Variants in TRPS1 observed in about 807,000 individuals in gnomAD.
TRPS1 encodes the protein transcriptional repressor GATA binding 1.
In TRPS1, 6 loss-of-function variants were observed where a neutral mutation model predicts 101.2. The ratio of observed to expected loss-of-function variants is 0.06; its 90% CI spans 0.03 to 0.12. The LOEUF is 0.12. TRPS1 is among the 10% of genes least tolerant of loss of function. The pLI is 1.00. For synonymous variants in TRPS1, 578 were observed against 589.8 expected, an observed-to-expected ratio of 0.98 and a Z score of 0.29; for missense variants, 1,363 against 1,567.0, an observed-to-expected ratio of 0.87 and a Z score of 2.20.
chr8:115,463,532 T>TGGGA (rs577570491), intron 5 of TRPS1, among the ~76,000 whole-genome samples: 181 of 152,178 alleles, frequency 1.2e-3, no homozygotes, highest in African/African-American at 4.1e-3. Flanking sequence ...GAGTGGTGCA[T>TGGGA]GGGAGTCTGC....
intron 5 of TRPS1, among the ~76,000 whole-genome samples, chr8:115,420,233 T>C (rs1247383561): frequency 6.6e-6 from 1 of 152,146 alleles, no homozygotes; most frequent in Non-Finnish European, 1.5e-5. Flanking sequence ...ATGTTGGGTG[T>C]CAGTCTGCAA....
chr8:115,636,445 ATT>A lies in TRPS1; in HGVS notation c.-121-12689_-121-12688del, dbSNP rs1818769380. On this transcript the variant is annotated intron_variant, in intron 1 of 6. Transcript: ENST00000395715. ...CAATTAATTTATTCATATATTATGTATTTATTGGGCATATATTTAAATTCGAA... is the reference window on the plus strand; with the variant it reads ...CAATTAATTTATTCATATATTATGTATATTGGGCATATATTTAAATTCGAA... Among the ~76,000 whole-genome samples, 3 of 152,310 alleles carry A rather than the reference ATT, an allele frequency of 2.0e-5. No homozygotes were observed. The East Asian group carries it at 5.8e-4, about 29-fold the overall frequency.
In TRPS1 at chr8:115,619,479, C is replaced by G. The variant is rs1818338787; in HGVS notation, c.619G>C (p.Gly207Arg). Residue 207 changes from glycine to arginine, a missense_variant, in exon 3 of 7, where the codon GGT becomes CGT. Transcript: ENST00000395715. ...GTTTTGGATTTATTCAGTCTTACACCCCCATCTGAAGGCACTTGTGGGTTT... is the reference window on the plus strand; with the variant it reads ...GTTTTGGATTTATTCAGTCTTACACGCCCATCTGAAGGCACTTGTGGGTTT... ...SKNPQVPSDG[G>R]VRLNKSKTDL... 6.2e-7 allele frequency: 1 copy of G among 1,614,038 alleles called. No homozygotes were observed. The highest frequency in any genetic ancestry group is 1.7e-5 in the Admixed American group (1 of 60,002).
chr8:115,607,867 G>A (rs893754292), intron 3 of TRPS1, among the ~76,000 whole-genome samples: 19 of 151,912 alleles, frequency 1.3e-4, no homozygotes, highest in Admixed American at 9.8e-4. Context: ...ACATTTAAAT[G>A]CCATTCTACA....
intron 5 of TRPS1, among the ~76,000 whole-genome samples, chr8:115,539,876 G>A (rs1480975854): frequency 3.3e-5 from 5 of 152,130 alleles, no homozygotes; most frequent in African/African-American, 1.2e-4. Context: ...GAATTATCCT[G>A]ATTTTGCTGG....
chr8:115,544,453 A>G (rs1217585517), intron 5 of TRPS1, among the ~76,000 whole-genome samples: 1 of 152,030 alleles, frequency 6.6e-6, no homozygotes, highest in Admixed American at 6.6e-5. Flanking sequence ...CCTCCCTGGC[A>G]TCTGCTGAGG....
At position 115,450,523 on chromosome 8, in the gene TRPS1, T is replaced by TA. The variant is rs907699438; in HGVS notation, c.2701-32072dup. Reference sequence around the variant, plus strand: ...CTAGCTAATGCGCTGACTCTTTTTTTAAAAAAAAAAAACTTTTAACCCTGA... The same window carrying TA: ...CTAGCTAATGCGCTGACTCTTTTTTTAAAAAAAAAAAAACTTTTAACCCTGA... On this transcript the variant is annotated intron_variant, in intron 5 of 6. Coordinates refer to ENST00000395715, the MANE Select transcript of TRPS1 (RefSeq NM_014112.5). 1.0e-3 allele frequency among the ~76,000 whole-genome samples: 153 copies of TA among 146,700 alleles called. 1 individual carries two copies. The highest frequency in any genetic ancestry group is 9.5e-3 in the East Asian group (48 of 5,070).
intron 3 of TRPS1, among the ~76,000 whole-genome samples, chr8:115,612,214 G>A (rs1344059641): frequency 6.6e-6 from 1 of 151,192 alleles, no homozygotes; most frequent in African/African-American, 2.4e-5. Flanking sequence ...AAAAACAGAA[G>A]AAGACAAGAA....
At chr8:115,501,005 A>T (rs1563556695) in intron 5 of TRPS1, among the ~76,000 whole-genome samples, 19 of 152,132 alleles carry the variant, frequency 1.2e-4, no homozygotes, top group Admixed American at 5.2e-4. Flanking sequence ...TAGGTAATTT[A>T]TTCATCTTGG....
At chr8:115,582,736 C>T (rs573845625) in intron 5 of TRPS1, among the ~76,000 whole-genome samples, 21 of 152,224 alleles carry the variant, frequency 1.4e-4, no homozygotes, top group Non-Finnish European at 2.6e-4. Flanking sequence ...TGAGCATCTC[C>T]GCTGAAGCCA....
chr8:115,647,321 C>G (rs934638230), intron 1 of TRPS1, among the ~76,000 whole-genome samples: 1 of 151,938 alleles, frequency 6.6e-6, no homozygotes, highest in Admixed American at 6.6e-5. Context: ...AAAGCATGTC[C>G]GTAACAAGAA....
At chr8:115,620,121 G>A in intron 2 of TRPS1, 61 bp from the exon 3 acceptor site, 1 of 1,522,628 alleles carries the variant, frequency 6.6e-7, no homozygotes, top group South Asian at 1.2e-5. Flanking sequence ...AGATACAGTT[G>A]AATCTGGAAT....
chr8:115,517,427 T>C (rs889054630), intron 5 of TRPS1, among the ~76,000 whole-genome samples: 1 of 151,416 alleles, frequency 6.6e-6, no homozygotes, highest in Admixed American at 6.6e-5. Context: ...GCAATTTTTA[T>C]ACAACAGTTA....
intron 5 of TRPS1, among the ~76,000 whole-genome samples, chr8:115,445,568 T>C (rs994915728): frequency 1.3e-5 from 2 of 152,204 alleles, no homozygotes; most frequent in Non-Finnish European, 2.9e-5. Flanking sequence ...TGTTACTGTA[T>C]GAGATCGCAA....
chr8:115,619,053 G>A (rs2130530434), intron 3 of TRPS1, 79 bp downstream of exon 3: 1 of 1,514,574 alleles, frequency 6.6e-7, no homozygotes, highest in South Asian at 1.2e-5. Flanking sequence ...CTGGGACCTT[G>A]GTTTTAACAT....
At chr8:115,482,369 C>A (rs925050265) in intron 5 of TRPS1, among the ~76,000 whole-genome samples, 4 of 152,104 alleles carry the variant, frequency 2.6e-5, no homozygotes, top group African/African-American at 9.7e-5. Flanking sequence ...TCAATTTTGG[C>A]TGTACAAAGT....
At chr8:115,571,642 G>A (rs1963677) in intron 5 of TRPS1, among the ~76,000 whole-genome samples, 105,134 of 152,050 alleles carry the variant, frequency 0.69, 37,767 homozygotes, top group African/African-American at 0.89. Context: ...TATATCACAG[G>A]CAAGCATTTC....
At chr8:115,631,571 C>T (rs1287551160) in intron 1 of TRPS1, among the ~76,000 whole-genome samples, 1 of 151,936 alleles carries the variant, frequency 6.6e-6, no homozygotes, top group Non-Finnish European at 1.5e-5. Flanking sequence ...CCAAGTGATA[C>T]TAACATGCCC....
intron 1 of TRPS1, among the ~76,000 whole-genome samples, chr8:115,630,866 T>C (rs557831626): frequency 6.6e-6 from 1 of 152,074 alleles, no homozygotes; most frequent in East Asian, 1.9e-4. Context: ...GCATTTCTCA[T>C]AATCACTTTA....
Sources: gnomAD v4.1 joint callset for allele counts (sites outside exome capture counted in the v4.1 genomes callset) on GRCh38, gnomAD v4.1.1 for gene constraint, MANE v1.5 for transcripts, NCBI Gene and HGNC (gene_info 2026-07-23, HGNC 2026-07-21) for gene names.